Variants in EEFSEC observed in about 807,000 individuals in gnomAD.
EEFSEC encodes the protein selenocysteine-specific elongation factor.
A neutral mutation model predicts 42.1 loss-of-function variants in EEFSEC; 43 were observed. The ratio of observed to expected loss-of-function variants is 1.02; its 90% CI spans 0.80 to 1.32. The LOEUF (loss-of-function observed/expected upper bound fraction) is 1.32, where lower values mean the gene tolerates loss of function less well. Among genes scored for constraint, EEFSEC ranks in the 40% most tolerant of loss-of-function variants. The pLI is 0.00. For synonymous variants in EEFSEC, 354 were observed against 339.1 expected (o/e 1.04, Z -0.48); for missense variants, 745 against 803.6 (o/e 0.93, Z 0.88).
intron 6 of EEFSEC, among the ~76,000 whole-genome samples, chr3:128,377,597 CT>C (rs1460978052): frequency 3.9e-5 from 6 of 152,250 alleles, no homozygotes; most frequent in Non-Finnish European, 8.8e-5. Context: ...TTGCCAAGGC[CT>C]TAATGGGCTA....
downstream of EEFSEC, among the ~76,000 whole-genome samples, chr3:128,412,658 C>T (rs576352176): frequency 2.6e-5 from 4 of 152,380 alleles, no homozygotes; most frequent in South Asian, 8.3e-4. Context: ...CCAGCCCCTG[C>T]TGCACCTCCA....
At chr3:128,270,820 G>T (rs2066405690) in intron 4 of EEFSEC, among the ~76,000 whole-genome samples, 2 of 152,074 alleles carry the variant, frequency 1.3e-5, no homozygotes, top group South Asian at 4.1e-4. Flanking sequence ...TCACTTTCCA[G>T]CACAGCTCAG....
chr3:128,230,647 C>T (rs2065951254), intron 1 of EEFSEC, among the ~76,000 whole-genome samples: 1 of 152,216 alleles, frequency 6.6e-6, no homozygotes, highest in African/African-American at 2.4e-5. Context: ...CCATGAGCCT[C>T]ACACTGCTCT....
At chr3:128,377,723 T>G (rs2067726276) in intron 6 of EEFSEC, among the ~76,000 whole-genome samples, 1 of 152,248 alleles carries the variant, frequency 6.6e-6, no homozygotes, top group African/African-American at 2.4e-5. Context: ...CCTCAGAAGC[T>G]GAATTGTTCT....
chr3:128,292,191 T>C (rs772683013), intron 4 of EEFSEC, among the ~76,000 whole-genome samples: 53 of 152,112 alleles, frequency 3.5e-4, no homozygotes, highest in Non-Finnish European at 7.2e-4. Flanking sequence ...TGAAATATTA[T>C]TCTTTTTATA....
intron 1 of EEFSEC, among the ~76,000 whole-genome samples, chr3:128,196,219 C>T (rs931302862): frequency 1.3e-5 from 2 of 152,142 alleles, no homozygotes; most frequent in Non-Finnish European, 2.9e-5. Context: ...AGGTTCTGAG[C>T]CAAATGAAAT....
intron 4 of EEFSEC, among the ~76,000 whole-genome samples, chr3:128,301,625 C>G (rs956431212): frequency 6.6e-6 from 1 of 152,294 alleles, no homozygotes; most frequent in East Asian, 1.9e-4. Context: ...CCCTACCTGT[C>G]CAGTGTCCTC....
chr3:128,287,264 C>T (rs1469292439), intron 4 of EEFSEC, among the ~76,000 whole-genome samples: 2 of 152,036 alleles, frequency 1.3e-5, no homozygotes, highest in Non-Finnish European at 2.9e-5. Flanking sequence ...GAGATGAGCT[C>T]AGAGAGAACT....
At chr3:128,363,103 A>C (rs927120720) in intron 6 of EEFSEC, among the ~76,000 whole-genome samples, 5 of 152,206 alleles carry the variant, frequency 3.3e-5, no homozygotes, top group Admixed American at 3.3e-4. Flanking sequence ...GTGAGCTATG[A>C]TGTATAGCAG....
intron 5 of EEFSEC, among the ~76,000 whole-genome samples, chr3:128,348,576 T>C (rs2107575526): frequency 6.6e-6 from 1 of 152,312 alleles, no homozygotes; most frequent in East Asian, 1.9e-4. Flanking sequence ...ACTAGGATTA[T>C]TCTTTGGGGG....
intron 4 of EEFSEC, among the ~76,000 whole-genome samples, chr3:128,272,909 C>T (rs1322387888): frequency 5.3e-5 from 8 of 152,150 alleles, no homozygotes; most frequent in African/African-American, 1.9e-4. Flanking sequence ...TGGTGCTTCC[C>T]AGTGTCCACA....
intron 6 of EEFSEC, among the ~76,000 whole-genome samples, chr3:128,407,200 G>C (rs1490254246): frequency 1.3e-5 from 2 of 152,240 alleles, no homozygotes; most frequent in Non-Finnish European, 2.9e-5. Context: ...CAGGTGTTCA[G>C]CTGGAGGGAG....
intron 1 of EEFSEC, among the ~76,000 whole-genome samples, chr3:128,159,895 C>T (rs915599291): frequency 3.3e-5 from 5 of 152,234 alleles, no homozygotes; most frequent in Admixed American, 6.5e-5. Context: ...CACTACCTGA[C>T]GTTCTTCATG....
rs146458406 is a variant in EEFSEC at position 128,263,775 on chromosome 3, TG to T, written c.622-840del. On this transcript the variant is annotated intron_variant, in intron 3 of 6. Coordinates refer to ENST00000254730, the MANE Select transcript of EEFSEC (RefSeq NM_021937.5). ...CTAGTCTTTGTTTTCATTTGTTTATTGGTGATGAGCCCTGACAGCATCTCCC... is the reference window on the plus strand; with the variant it reads ...CTAGTCTTTGTTTTCATTTGTTTATTGTGATGAGCCCTGACAGCATCTCCC... 8.0e-3 allele frequency among the ~76,000 whole-genome samples: 1,212 copies of T among 152,344 alleles called. 19 individuals are homozygous for T. The highest frequency in any genetic ancestry group is 0.028 in the African/African-American group (1,161 of 41,574).
At chr3:128,360,220 T>TGTGGGTTGTCC (rs1398291220) in intron 6 of EEFSEC, among the ~76,000 whole-genome samples, 3 of 152,226 alleles carry the variant, frequency 2.0e-5, no homozygotes, top group Non-Finnish European at 4.4e-5. Context: ...TGTGCATCGC[T>TGTGGGTTGTCC]TCAGTTTGGC....
chr3:128,235,538 A>G (rs557354835), intron 1 of EEFSEC, among the ~76,000 whole-genome samples: 3 of 152,196 alleles, frequency 2.0e-5, no homozygotes, highest in Non-Finnish European at 4.4e-5. Context: ...ATTTTCTTCT[A>G]AAGATTCCAA....
intron 4 of EEFSEC, 39 bp downstream of exon 4, chr3:128,264,820 G>A (rs762951593): frequency 5.7e-6 from 9 of 1,592,178 alleles, no homozygotes; most frequent in Admixed American, 3.4e-5. Context: ...CCTCCTCGCT[G>A]GCAGCAAGGG....
chr3:128,325,834 T>C (rs2067057894), intron 4 of EEFSEC, among the ~76,000 whole-genome samples: 1 of 152,246 alleles, frequency 6.6e-6, no homozygotes, highest in African/African-American at 2.4e-5. Flanking sequence ...TATTTTATTA[T>C]GTAACACCTT....
chr3:128,376,223 AAGGATGCACCCT>A (rs562152837), intron 6 of EEFSEC, among the ~76,000 whole-genome samples: 59 of 152,314 alleles, frequency 3.9e-4, no homozygotes, highest in African/African-American at 1.4e-3. Context: ...TCTTGGCACC[AAGGATGCACCCT>A]TTTGCAACCC....
Sources: gnomAD v4.1 joint callset for allele counts (sites outside exome capture counted in the v4.1 genomes callset) on GRCh38, gnomAD v4.1.1 for gene constraint, MANE v1.5 for transcripts, NCBI Gene and HGNC (gene_info 2026-07-23, HGNC 2026-07-21) for gene names.